Variants in PPP2R1B observed in about 807,000 individuals in gnomAD.
The protein encoded by PPP2R1B is serine/threonine-protein phosphatase 2A 65 kDa regulatory subunit A beta isoform.
PPP2R1B carries 58 observed loss-of-function variants against 72.7 expected under a neutral mutation model. The observed-to-expected ratio is 0.80, with a 90% CI of 0.65 to 0.99. The LOEUF is 0.99. Ranked by LOEUF, PPP2R1B falls within the 50% of genes least tolerant of loss-of-function variation. The pLI, the probability that PPP2R1B is intolerant of heterozygous loss-of-function variation, is 0.00. For synonymous variants in PPP2R1B, 256 were observed against 264.6 expected (o/e 0.97, Z 0.32); for missense variants, 695 against 733.6 (o/e 0.95, Z 0.61).
chr11:111,733,572 C>G (rs1251175803), downstream of PPP2R1B, among the ~76,000 whole-genome samples: 2 of 152,170 alleles, frequency 1.3e-5, no homozygotes, highest in Admixed American at 6.5e-5. Context: ...ACTGACAAAT[C>G]AGACCCTGAG....
At chr11:111,741,702 C>T (rs766093744) in intron 14 of PPP2R1B, 90 bp from the exon 15 acceptor site, 80 of 1,383,248 alleles carry the variant, frequency 5.8e-5, no homozygotes, top group Non-Finnish European at 7.5e-5. Flanking sequence ...ATGATCCAAA[C>T]GTATCAAACT....
chr11:111,721,752 C>A, the PPP2R1B span: 2 of 1,125,006 alleles, frequency 1.8e-6, no homozygotes, highest in Non-Finnish European at 2.5e-6. Flanking sequence ...TTGGACATTG[C>A]AAAGGTGCTT....
At chr11:111,720,506 C>T in the PPP2R1B span, 1 of 1,608,458 alleles carries the variant, frequency 6.2e-7, no homozygotes, top group South Asian at 1.1e-5. Flanking sequence ...ATGACAGCCC[C>T]TCCCTTGACA....
the PPP2R1B span, chr11:111,720,874 G>C: frequency 1.2e-6 from 2 of 1,610,280 alleles, no homozygotes; most frequent in African/African-American, 1.3e-5. Flanking sequence ...TAGTTAAACT[G>C]TTTGGTCTTG....
chr11:111,764,112 CGTGGGTATTTT>C (rs1945431112), intron 3 of PPP2R1B, among the ~76,000 whole-genome samples: 1 of 152,240 alleles, frequency 6.6e-6, no homozygotes, highest in East Asian at 1.9e-4. Flanking sequence ...CCTTCTATTA[CGTGGGTATTTT>C]GTGGGTACTT....
the PPP2R1B span, among the ~76,000 whole-genome samples, chr11:111,694,335 T>C: frequency 6.6e-6 from 1 of 152,220 alleles, no homozygotes; most frequent in Non-Finnish European, 1.5e-5. Flanking sequence ...TGCAACTTAA[T>C]TTTTTGCTGA....
the PPP2R1B span, among the ~76,000 whole-genome samples, chr11:111,712,034 T>G: frequency 5.0e-4 from 76 of 152,394 alleles, no homozygotes; most frequent in African/African-American, 1.7e-3. Flanking sequence ...TTGCTGAGTC[T>G]GCTTCAGATC....
the PPP2R1B span, among the ~76,000 whole-genome samples, chr11:111,717,071 T>A: frequency 6.6e-6 from 1 of 151,898 alleles, no homozygotes; most frequent in Admixed American, 6.5e-5. Flanking sequence ...TCCCAGCACT[T>A]TGGGAGGCTG....
chr11:111,735,729 G>A (rs966123008), downstream of PPP2R1B, among the ~76,000 whole-genome samples: 8 of 152,198 alleles, frequency 5.3e-5, no homozygotes, highest in Non-Finnish European at 1.2e-4. Context: ...GAGGCTGGCT[G>A]AGAACTGACA....
chr11:111,693,980 C>A, the PPP2R1B span, among the ~76,000 whole-genome samples: 1 of 152,154 alleles, frequency 6.6e-6, no homozygotes, highest in African/African-American at 2.4e-5. Flanking sequence ...GTTTCCTTAT[C>A]TGTAAAGGGA....
chr11:111,740,984 A>G lies in PPP2R1B; in HGVS notation c.*612T>C. 1 of 985,662 alleles carries G rather than the reference A, an allele frequency of 1.0e-6. No homozygotes were observed. The highest frequency in any genetic ancestry group is 1.2e-6 in the Non-Finnish European group (1 of 830,110). 61.1% of individuals were successfully genotyped at this position (985,662 alleles called of 1,614,324 possible). Reference sequence around the variant, plus strand: ...GCCACACTTCAGGTTTCTGAATGACATGAGTACAGACAAAATTGAGCAAAT... The same window carrying G: ...GCCACACTTCAGGTTTCTGAATGACGTGAGTACAGACAAAATTGAGCAAAT... On this transcript the variant is annotated 3_prime_UTR_variant, in exon 15 of 15. Coordinates refer to ENST00000527614, the MANE Select transcript of PPP2R1B (RefSeq NM_002716.5).
the PPP2R1B span, among the ~76,000 whole-genome samples, chr11:111,706,216 T>C: frequency 3.9e-5 from 6 of 152,370 alleles, no homozygotes; most frequent in East Asian, 1.2e-3. Context: ...GCCTGGCACA[T>C]AGTAAGTGCT....
At chr11:111,724,197 T>G, downstream of PPP2R1B, 1 of 1,524,904 alleles carries the variant, frequency 6.6e-7, no homozygotes, top group Non-Finnish European at 8.8e-7. Context: ...ATTCCAGCCT[T>G]TTAAATTTAA....
the PPP2R1B span, chr11:111,705,196 T>TA: frequency 6.9e-7 from 1 of 1,456,736 alleles, no homozygotes; most frequent in Non-Finnish European, 9.0e-7. The surrounding 1 kb of genome is among the most constrained non-coding windows in gnomAD (Gnocchi z 4.3). Flanking sequence ...ACATGTTTGA[T>TA]ACATTTTTCA....
At chr11:111,723,550 T>G, downstream of PPP2R1B, 1 of 1,614,212 alleles carries the variant, frequency 6.2e-7, no homozygotes, top group Non-Finnish European at 8.5e-7. Context: ...AGGCCTATTT[T>G]AATCAGATGC....
In PPP2R1B at chr11:111,752,840, G is replaced by A. The variant is rs574740837; in HGVS notation, c.1165-508C>T. Among the ~76,000 whole-genome samples the A allele has an allele frequency of 2.0e-5, 3 of 152,310 alleles. No individual in the cohort carries two copies. The East Asian group carries it at 5.8e-4, about 29-fold the overall frequency. ...TAGCTGGGTGCTGTGGCAGGCGCCT[G>A]TAGTCCCAGCTACTCAGGAGGCTGA... On this transcript the variant is annotated intron_variant, in intron 9 of 14. Coordinates refer to ENST00000527614, the MANE Select transcript of PPP2R1B (RefSeq NM_002716.5).
At chr11:111,761,575 G>A (rs1555051464) in intron 3 of PPP2R1B, among the ~76,000 whole-genome samples, 2 of 152,162 alleles carry the variant, frequency 1.3e-5, no homozygotes. Flanking sequence ...ATAAAATGCT[G>A]AATGCAAAAT....
At chr11:111,735,070 G>A (rs561532230), downstream of PPP2R1B, among the ~76,000 whole-genome samples, 69 of 152,296 alleles carry the variant, frequency 4.5e-4, no homozygotes, top group South Asian at 1.7e-3. Context: ...GGAAAATAAG[G>A]CAGGCAGGAA....
At chr11:111,688,747 A>G in the PPP2R1B span, among the ~76,000 whole-genome samples, 1 of 152,104 alleles carries the variant, frequency 6.6e-6, no homozygotes, top group African/African-American at 2.4e-5. This position sits in a 1 kb window ranked among gnomAD's most constrained non-coding sequence, Gnocchi z 4.2. Context: ...CTTTATTTAC[A>G]TAGTCAAAAC....
Sources: gnomAD v4.1 joint callset for allele counts (sites outside exome capture counted in the v4.1 genomes callset) on GRCh38, gnomAD v4.1.1 for gene constraint, Gnocchi (gnomAD v3.1) non-coding constraint, MANE v1.5 for transcripts, NCBI Gene and HGNC (gene_info 2026-07-23, HGNC 2026-07-21) for gene names.